MAP2K5: variants seen among roughly 807,000 people sequenced by gnomAD.
MAP2K5 encodes the protein mitogen-activated protein kinase kinase 5.
In MAP2K5, 49 loss-of-function variants were observed where a neutral mutation model predicts 83.1. The observed-to-expected ratio is 0.59, with a 90% CI of 0.47 to 0.75. The LOEUF (loss-of-function observed/expected upper bound fraction) is 0.75. MAP2K5 is among the 30% of genes least tolerant of loss of function. The pLI is 0.00. For synonymous variants in MAP2K5, 202 were observed against 191.8 expected, an observed-to-expected ratio of 1.05 and a Z score of -0.44; for missense variants, 457 against 557.5, an observed-to-expected ratio of 0.82 and a Z score of 1.82.
chr15:67,741,066 C>T (rs1003110850), intron 17 of MAP2K5, among the ~76,000 whole-genome samples: 2 of 151,600 alleles, frequency 1.3e-5, no homozygotes, highest in African/African-American at 4.9e-5. Flanking sequence ...CACTTTTAGC[C>T]TCCTTGAGTC....
intron 13 of MAP2K5, among the ~76,000 whole-genome samples, chr15:67,671,318 T>C (rs778678406): frequency 6.6e-6 from 1 of 152,204 alleles, no homozygotes; most frequent in Non-Finnish European, 1.5e-5. Context: ...CTATTAAGCA[T>C]GTACTCTGTA....
At chr15:67,590,442 C>CCTCTCTCTCT (rs2085378235) in intron 6 of MAP2K5, among the ~76,000 whole-genome samples, 2 of 5,822 alleles carry the variant, frequency 3.4e-4, no homozygotes, top group Non-Finnish European at 5.2e-4. Context: ...TCTCTCCCTC[C>CCTCTCTCTCT]CTCCCTCTCT....
chr15:67,765,641 G>T (rs17244146), intron 19 of MAP2K5, among the ~76,000 whole-genome samples: 1 of 152,046 alleles, frequency 6.6e-6, no homozygotes, highest in Non-Finnish European at 1.5e-5. Context: ...CTGCTCTCAA[G>T]GTCACTAAAC....
rs1042288290 is a variant in MAP2K5, at chr15:67,561,202, G to A, written c.185-2081G>A. Reference sequence around the variant, plus strand: ...AAAGAGAATTTGACCTGGTTTTAAAGCAAAAATGTAAAGTGCTTTCATGTG... The same window carrying A: ...AAAGAGAATTTGACCTGGTTTTAAAACAAAAATGTAAAGTGCTTTCATGTG... On this transcript the variant is annotated intron_variant, in intron 2 of 21. Transcript: ENST00000178640. The surrounding 1 kb of genome is among the most constrained non-coding windows in gnomAD (Gnocchi z 4.2). Among the ~76,000 whole-genome samples the A allele has an allele frequency of 6.6e-6, 1 of 152,162 alleles. No homozygotes were observed. Among genetic ancestry groups the A allele is most frequent in the Non-Finnish European group, 1.5e-5 (1 of 68,012 alleles).
intron 16 of MAP2K5, among the ~76,000 whole-genome samples, chr15:67,716,952 T>C (rs2088840403): frequency 6.6e-6 from 1 of 152,208 alleles, no homozygotes; most frequent in Admixed American, 6.5e-5. Flanking sequence ...ATTTTGCAAA[T>C]GAGGAAACTT....
chr15:67,589,998 T>C lies in MAP2K5; in HGVS notation c.432-2928T>C, dbSNP rs1382294619. 5.9e-5 allele frequency among the ~76,000 whole-genome samples: 9 copies of C among 152,294 alleles called. No individual in the cohort carries two copies. The South Asian group carries it at 8.3e-4, about 14-fold the overall frequency. On this transcript the variant is annotated intron_variant, in intron 6 of 21. Coordinates refer to ENST00000178640, the MANE Select transcript of MAP2K5 (RefSeq NM_145160.3). Reference sequence around the variant, plus strand: ...ATCACTTGATAAATAGCAGCTGCTATTATTATGTTAACTGGACTGATTTTA... The same window carrying C: ...ATCACTTGATAAATAGCAGCTGCTACTATTATGTTAACTGGACTGATTTTA...
At chr15:67,630,810 G>T in intron 8 of MAP2K5, 78 bp from the exon 9 acceptor site, 1 of 1,003,278 alleles carries the variant, frequency 1.0e-6, no homozygotes, top group South Asian at 1.4e-5. Flanking sequence ...GAAATGTTTG[G>T]ATTTACATTT....
At chr15:67,611,265 T>C (rs2085917529) in intron 8 of MAP2K5, among the ~76,000 whole-genome samples, 1 of 152,086 alleles carries the variant, frequency 6.6e-6, no homozygotes, top group Admixed American at 6.6e-5. Flanking sequence ...AGTGGTGGGG[T>C]AAAATACATG....
chr15:67,608,029 CTTCT>C (rs2085818563), intron 8 of MAP2K5, among the ~76,000 whole-genome samples: 1 of 152,148 alleles, frequency 6.6e-6, no homozygotes, highest in African/African-American at 2.4e-5. Context: ...AGTGGCAAGA[CTTCT>C]TTCTAATATT....
At chr15:67,689,640 A>G (rs753157797) in intron 13 of MAP2K5, among the ~76,000 whole-genome samples, 4 of 152,222 alleles carry the variant, frequency 2.6e-5, no homozygotes, top group Non-Finnish European at 5.9e-5. Context: ...AGGCTTACAT[A>G]TATGTTAAAA....
At chr15:67,594,267 G>T (rs966707952) in intron 7 of MAP2K5, among the ~76,000 whole-genome samples, 4 of 152,112 alleles carry the variant, frequency 2.6e-5, no homozygotes, top group African/African-American at 2.4e-5. Flanking sequence ...GTCCACATCT[G>T]TATCACCTCA....
At chr15:67,551,416 T>TTGAACTCC (rs58943445) in intron 2 of MAP2K5, among the ~76,000 whole-genome samples, 22,277 of 151,906 alleles carry the variant, frequency 0.15, 2,092 homozygotes, top group African/African-American at 0.26. Context: ...CACTGTAACC[T>TTGAACTCC]TGAACTCCTG....
At chr15:67,740,738 G>T (rs1288794613) in intron 17 of MAP2K5, among the ~76,000 whole-genome samples, 1 of 152,030 alleles carries the variant, frequency 6.6e-6, no homozygotes, top group East Asian at 1.9e-4. Flanking sequence ...TCAGAAATGT[G>T]AATGCATGGC....
At chr15:67,766,494 A>G (rs1051951116) in intron 19 of MAP2K5, among the ~76,000 whole-genome samples, 1 of 152,214 alleles carries the variant, frequency 6.6e-6, no homozygotes, top group African/African-American at 2.4e-5. Context: ...CCCATATTTC[A>G]TAGAGGGCAT....
chr15:67,796,058 A>G (rs530587965), intron 21 of MAP2K5, among the ~76,000 whole-genome samples: 4 of 152,032 alleles, frequency 2.6e-5, no homozygotes, highest in African/African-American at 9.6e-5. Context: ...GCTATGTTTG[A>G]TTATCCTTTA....
Position 67,786,018 on chromosome 15 carries a change from G to GT in MAP2K5, c.1242+13279dup, listed in dbSNP as rs5813456. On this transcript the variant is annotated intron_variant, in intron 21 of 21. Transcript: ENST00000178640. The surrounding 1 kb of genome is among the most constrained non-coding windows in gnomAD (Gnocchi z 4.7). ...ACAGGGGGCTTTTAGCTGTTAGGTT[G>GT]TTTTTTTTTTTTTAACTTACAGAAG... is the stretch of plus-strand genomic sequence containing the variant. Among the ~76,000 whole-genome samples, 58,968 of 146,720 alleles carry GT rather than the reference G, an allele frequency of 0.4. 11,977 individuals carry two copies. The highest frequency in any genetic ancestry group is 0.69 in the East Asian group (3,487 of 5,044).
chr15:67,603,774 T>C (rs2085717687), intron 8 of MAP2K5, among the ~76,000 whole-genome samples: 1 of 152,224 alleles, frequency 6.6e-6, no homozygotes, highest in African/African-American at 2.4e-5. Flanking sequence ...GAGTTTCTTC[T>C]ACACTAAGTT....
intron 3 of MAP2K5, among the ~76,000 whole-genome samples, chr15:67,579,243 C>T (rs1301088225): frequency 6.6e-6 from 1 of 152,078 alleles, no homozygotes; most frequent in African/African-American, 2.4e-5. Flanking sequence ...CTTAATTTTC[C>T]ATGGAAACCT....
In MAP2K5 at chr15:67,708,763, T is replaced by C. The variant is rs561117719; in HGVS notation, c.1044+5355T>C. Among the ~76,000 whole-genome samples, 1 of 152,124 alleles carries C rather than the reference T, an allele frequency of 6.6e-6. No homozygotes were observed. The highest frequency in any genetic ancestry group is 1.5e-5 in the Non-Finnish European group (1 of 68,026). On this transcript the variant is annotated intron_variant, in intron 16 of 21. Transcript: ENST00000178640. This position sits in a 1 kb window ranked among gnomAD's most constrained non-coding sequence, Gnocchi z 4.9. ...TAAAAAGGCCTCTTGCCACACTCTT[T>C]CATAAAAGATGATGCTACATGCTGC...
Sources: allele counts gnomAD v4.1 joint callset (sites outside exome capture counted in the v4.1 genomes callset), GRCh38; gene constraint gnomAD v4.1.1; non-coding constraint Gnocchi (gnomAD v3.1); transcripts MANE v1.5; gene names NCBI Gene and HGNC (gene_info 2026-07-23, HGNC 2026-07-21).